GID8: variants seen among roughly 807,000 people sequenced by gnomAD.
GID8 encodes glucose-induced degradation protein 8 homolog.
In GID8, 6 loss-of-function variants were observed where a neutral mutation model predicts 27.4. The ratio of observed to expected loss-of-function variants is 0.22; its 90% CI spans 0.12 to 0.43. GID8 has a LOEUF of 0.43. Ranked by LOEUF, GID8 falls within the 20% of genes least tolerant of loss-of-function variation. GID8 has a pLI of 1.00. For synonymous variants in GID8, 112 were observed against 109.0 expected, an observed-to-expected ratio of 1.03 and a Z score of -0.17; for missense variants, 173 against 287.6, an observed-to-expected ratio of 0.60 and a Z score of 2.88.
In GID8 at chr20:62,946,230, G is replaced by A. The variant is rs2065465978; in HGVS notation, c.*1318G>A. 3.0e-6 allele frequency: 1 copy of A among 336,260 alleles called. No individual in the cohort carries two copies. The highest frequency in any genetic ancestry group is 2.2e-5 in the African/African-American group (1 of 46,028). 20.8% of individuals were successfully genotyped at this position (336,260 alleles called of 1,614,324 possible). A position where few individuals can be genotyped will look rare whatever the true frequency, so the allele number is the denominator to read the frequency against. On this transcript the variant is annotated 3_prime_UTR_variant, in exon 5 of 5. Coordinates refer to ENST00000266069, the MANE Select transcript of GID8 (RefSeq NM_017896.3). ...GCATCTGAGGGGCAGAATGCTGCTA[G>A]CACTTGAATCTGGGATCTCGCCTTA...
At position 62,946,648 on chromosome 20, in the gene GID8, A is replaced by C. The variant is rs1208975087; in HGVS notation, c.*1736A>C. ...ATTTTGTAAGGATGCGGTGCTGGGG[A>C]GGTGGTGCTTCCCTACCCCCTAGAA... On this transcript the variant is annotated 3_prime_UTR_variant, in exon 5 of 5. Coordinates refer to ENST00000266069, the MANE Select transcript of GID8 (RefSeq NM_017896.3). 2.0e-5 allele frequency: 3 copies of C among 152,186 alleles called. No individual in the cohort carries two copies. The highest frequency in any genetic ancestry group is 2.9e-5 in the Non-Finnish European group (2 of 68,086). 9.4% of individuals were successfully genotyped at this position (152,186 alleles called of 1,614,324 possible). A position where few individuals can be genotyped will look rare whatever the true frequency, so the allele number is the denominator to read the frequency against.
At chr20:62,939,877 C>G (rs974394663) in intron 1 of GID8, among the ~76,000 whole-genome samples, 2 of 152,102 alleles carry the variant, frequency 1.3e-5, no homozygotes, top group African/African-American at 4.8e-5. Flanking sequence ...GTATGTGTAA[C>G]GTATGTATCA....
Position 62,944,925 on chromosome 20 carries a change from C to G in GID8, c.*13C>G. On this transcript the variant is annotated 3_prime_UTR_variant, in exon 5 of 5. Coordinates refer to ENST00000266069, the MANE Select transcript of GID8 (RefSeq NM_017896.3). ...GGAGCCCAAGTAGCGCCTGCGCTTGCGTGGTGGATCCAACACCAGCCCTGC... is the reference window on the plus strand; with the variant it reads ...GGAGCCCAAGTAGCGCCTGCGCTTGGGTGGTGGATCCAACACCAGCCCTGC... 1 of 1,602,882 alleles carries G rather than the reference C, an allele frequency of 6.2e-7. No homozygotes were observed. Among genetic ancestry groups the G allele is most frequent in the Non-Finnish European group, 8.5e-7 (1 of 1,174,050 alleles).
At chr20:62,940,690 TC>T (rs2147629164) in intron 1 of GID8, among the ~76,000 whole-genome samples, 1 of 152,358 alleles carries the variant, frequency 6.6e-6, no homozygotes, top group East Asian at 1.9e-4. Context: ...ATGAGAGTCA[TC>T]CAGGTGACTT....
rs867040615 is a variant in GID8 at position 62,945,427 on chromosome 20, G to C, written c.*515G>C. 3 of 992,362 alleles carry C rather than the reference G, an allele frequency of 3.0e-6. No homozygotes were observed. Among genetic ancestry groups the C allele is most frequent in the Non-Finnish European group, 3.6e-6 (3 of 833,360 alleles). The allele number at this position is 992,362 out of a possible 1,614,324, so 61.5% of individuals were successfully genotyped here. A position where few individuals can be genotyped will look rare whatever the true frequency, so the allele number is the denominator to read the frequency against. On this transcript the variant is annotated 3_prime_UTR_variant, in exon 5 of 5. Transcript: ENST00000266069. The stretch of plus-strand genomic sequence containing the variant: ...AAATCCTAATTCAAAGATGGCTCAT[G>C]TGTGAGGGCATTGAGTTTGATTTGT...
At chr20:62,939,596 C>T (rs2065429757) in intron 1 of GID8, among the ~76,000 whole-genome samples, 1 of 152,178 alleles carries the variant, frequency 6.6e-6, no homozygotes, top group Non-Finnish European at 1.5e-5. Flanking sequence ...CCCCATCTTG[C>T]AGGGCCTCTC....
Position 62,945,761 on chromosome 20 carries a change from C to T in GID8, c.*849C>T. 3.2e-6 allele frequency: 4 copies of T among 1,251,854 alleles called. No individual in the cohort carries two copies. In the South Asian group the frequency reaches 4.0e-5, roughly 13 times the overall value. 77.5% of individuals were successfully genotyped at this position (1,251,854 alleles called of 1,614,324 possible). A position where few individuals can be genotyped will look rare whatever the true frequency, so the allele number is the denominator to read the frequency against. On this transcript the variant is annotated 3_prime_UTR_variant, in exon 5 of 5. Coordinates refer to ENST00000266069, the MANE Select transcript of GID8 (RefSeq NM_017896.3). ...CTGCAGCTGGAAAGGCCACTTGGCC[C>T]TGTGCTGAGTGAGCGGCCTTCATTA...
chr20:62,945,306 A>G lies in GID8; in HGVS notation c.*394A>G, dbSNP rs1249554594. 3.0e-6 allele frequency: 3 copies of G among 1,002,164 alleles called. No homozygotes were observed. The highest frequency in any genetic ancestry group is 2.4e-6 in the Non-Finnish European group (2 of 840,248). The allele number at this position is 1,002,164 out of a possible 1,614,324, so 62.1% of individuals were successfully genotyped here. A position where few individuals can be genotyped will look rare whatever the true frequency, so the allele number is the denominator to read the frequency against. On this transcript the variant is annotated 3_prime_UTR_variant, in exon 5 of 5. Coordinates refer to ENST00000266069, the MANE Select transcript of GID8 (RefSeq NM_017896.3). The stretch of plus-strand genomic sequence containing the variant: ...GATTCTGCTTTCTGTTAGCTTAGGC[A>G]GACATTGGGCCTTCACCTACAAGTT...
intron 1 of GID8, among the ~76,000 whole-genome samples, chr20:62,940,718 AT>A (rs2147629196): frequency 6.6e-6 from 1 of 152,312 alleles, no homozygotes; most frequent in Non-Finnish European, 1.5e-5. Flanking sequence ...ATGTTCATTT[AT>A]TTTAACTGCT....
rs1160560956 is a variant in GID8, at chr20:62,945,799, C to T, written c.*887C>T. The stretch of plus-strand genomic sequence containing the variant: ...GCGGCCTTCATTAGAGCGAGGCAGC[C>T]CTTGGCCGGTGGGGACGCAGAGCCC... On this transcript the variant is annotated 3_prime_UTR_variant, in exon 5 of 5. Transcript: ENST00000266069. 1 of 1,284,534 alleles carries T rather than the reference C, an allele frequency of 7.8e-7. No homozygotes were observed. The highest frequency in any genetic ancestry group is 1.0e-6 in the Non-Finnish European group (1 of 985,474). The allele number at this position is 1,284,534 out of a possible 1,614,324, so 79.6% of individuals were successfully genotyped here.
Position 62,948,107 on chromosome 20 carries a change from A to T in GID8, c.*3195A>T, listed in dbSNP as rs966412042. 6.6e-6 allele frequency: 1 copy of T among 152,242 alleles called. No homozygotes were observed. The highest frequency in any genetic ancestry group is 1.5e-5 in the Non-Finnish European group (1 of 68,054). The allele number at this position is 152,242 out of a possible 1,614,324, so 9.4% of individuals were successfully genotyped here. ...GTTGCGTTGTTCACAATAGGGCCTC[A>T]TGGGTGTAGCCGCATGGCAGACCCA... On this transcript the variant is annotated 3_prime_UTR_variant, in exon 5 of 5. Coordinates refer to ENST00000266069, the MANE Select transcript of GID8 (RefSeq NM_017896.3).
intron 1 of GID8, among the ~76,000 whole-genome samples, chr20:62,940,351 A>ATTT (rs34532008): frequency 1.8e-5 from 2 of 111,318 alleles, no homozygotes; most frequent in Non-Finnish European, 1.8e-5. Flanking sequence ...TGCCCGGCAA[A>ATTT]TTTTTTTTTT....
intron 2 of GID8, among the ~76,000 whole-genome samples, chr20:62,942,536 T>G (rs773687399): frequency 3.9e-5 from 6 of 152,170 alleles, no homozygotes; most frequent in Admixed American, 2.0e-4. Context: ...ATGCTGGCTT[T>G]GAAAAATTGT....
In GID8 at chr20:62,947,776, C is replaced by G. The variant is rs1287056185; in HGVS notation, c.*2864C>G. ...CCACGGAAGCCTCGGGGAGGTGGAGCTGCTCCTTCCATTCCGTCAGGACGT... is the reference window on the plus strand; with the variant it reads ...CCACGGAAGCCTCGGGGAGGTGGAGGTGCTCCTTCCATTCCGTCAGGACGT... On this transcript the variant is annotated 3_prime_UTR_variant, in exon 5 of 5. Transcript: ENST00000266069. 6.6e-6 allele frequency: 1 copy of G among 152,226 alleles called. No homozygotes were observed. The highest frequency in any genetic ancestry group is 1.5e-5 in the Non-Finnish European group (1 of 68,058). The allele number at this position is 152,226 out of a possible 1,614,324, so 9.4% of individuals were successfully genotyped here. A position where few individuals can be genotyped will look rare whatever the true frequency, so the allele number is the denominator to read the frequency against.
chr20:62,938,162 C>A lies in GID8; in HGVS notation c.-104C>A. On this transcript the variant is annotated 5_prime_UTR_variant, in exon 1 of 5. Coordinates refer to ENST00000266069, the MANE Select transcript of GID8 (RefSeq NM_017896.3). ...CCACCTCTGCCTCCTTCTACTCGGG[C>A]GCCCCGGCGGCCGCCACCTCTCCCC... 2 of 262,428 alleles carry A rather than the reference C, an allele frequency of 7.6e-6. No individual in the cohort carries two copies. Among genetic ancestry groups the A allele is most frequent in the Non-Finnish European group, 1.4e-5 (2 of 138,890 alleles). 16.3% of individuals were successfully genotyped at this position (262,428 alleles called of 1,614,324 possible).
In GID8 at chr20:62,946,163, C is replaced by T. The variant is rs2427453; in HGVS notation, c.*1251C>T. The T allele has an allele frequency of 0.44, 253,593 of 580,310 alleles. 60,235 individuals carry two copies. Among genetic ancestry groups the T allele is most frequent in the Non-Finnish European group, 0.49 (180,208 of 368,154 alleles). 35.9% of individuals were successfully genotyped at this position (580,310 alleles called of 1,614,324 possible). ...TAGTGGATGTTCGTGGAATTGCTGACCCATCCAAGGGCGTCCTTTGGAGCC... is the reference window on the plus strand; with the variant it reads ...TAGTGGATGTTCGTGGAATTGCTGATCCATCCAAGGGCGTCCTTTGGAGCC... On this transcript the variant is annotated 3_prime_UTR_variant, in exon 5 of 5. Coordinates refer to ENST00000266069, the MANE Select transcript of GID8 (RefSeq NM_017896.3).
rs1165193644 is a variant in GID8 at position 62,944,768 on chromosome 20, A to C, written c.543A>C (p.Leu181=). ...GGAGTGAAGTTAACCAAGCTGTGCTAGATTATGAAAATCGCGAGTCAACAC... is the reference window on the plus strand; with the variant it reads ...GGAGTGAAGTTAACCAAGCTGTGCTCGATTATGAAAATCGCGAGTCAACAC... ...KVWSEVNQAV[L]DYENRESTPK... The change falls in exon 5 of 5, where the codon CTA becomes CTC. Residue 181 remains leucine, a synonymous_variant. Transcript: ENST00000266069. 6.2e-7 allele frequency: 1 copy of C among 1,613,884 alleles called. No individual in the cohort carries two copies.
At position 62,945,168 on chromosome 20, in the gene GID8, G is replaced by A. The variant is rs150928928; in HGVS notation, c.*256G>A. ...CTCGCTGAAGAATCTGGAAGGTTGC[G>A]GTTTGCTCTTCCAGTGTTCGGGGGC... On this transcript the variant is annotated 3_prime_UTR_variant, in exon 5 of 5. Transcript: ENST00000266069. 23 of 1,262,594 alleles carry A rather than the reference G, an allele frequency of 1.8e-5. No homozygotes were observed. In the African/African-American group the frequency reaches 2.2e-4, roughly 12 times the overall value. The allele number at this position is 1,262,594 out of a possible 1,614,324, so 78.2% of individuals were successfully genotyped here.
rs1413485008 is a variant in GID8 at position 62,940,509 on chromosome 20, A to C, written c.-12-982A>C. ...GGACTACAGGCGCCCGCCACCGAGC[A>C]CGGCTAATTTTTTGTATTTTTAGTA... On this transcript the variant is annotated intron_variant, in intron 1 of 4. Coordinates refer to ENST00000266069, the MANE Select transcript of GID8 (RefSeq NM_017896.3). 2.0e-5 allele frequency among the ~76,000 whole-genome samples: 3 copies of C among 152,002 alleles called. No individual in the cohort carries two copies. In the East Asian group the frequency reaches 5.8e-4, roughly 29 times the overall value.
Sources: allele counts gnomAD v4.1 joint callset (sites outside exome capture counted in the v4.1 genomes callset), GRCh38; gene constraint gnomAD v4.1.1; transcripts MANE v1.5; gene names NCBI Gene and HGNC (gene_info 2026-07-23, HGNC 2026-07-21).